Variants in RPS6KA5 observed in about 807,000 individuals in gnomAD.
The protein encoded by RPS6KA5 is ribosomal protein S6 kinase alpha-5.
RPS6KA5 carries 27 observed loss-of-function variants against 85.5 expected under a neutral mutation model. The ratio of observed to expected loss-of-function variants is 0.32; its 90% CI spans 0.23 to 0.44. RPS6KA5 has a LOEUF of 0.44. Among genes scored for constraint, RPS6KA5 ranks in the 20% least tolerant of loss-of-function variants. The pLI is 1.00. For missense variants in RPS6KA5, 811 were observed against 980.9 expected, an observed-to-expected ratio of 0.83 and a Z score of 2.31; for synonymous variants, 334 against 348.2, an observed-to-expected ratio of 0.96 and a Z score of 0.46.
chr14:90,871,417 A>G lies in RPS6KA5; in HGVS notation c.*657T>C, dbSNP rs943889152. ...AGGAAAGAGCAGTGCAAAATTAAAAACATACACATAGCTTAGCATGCATCT... is the reference window on the plus strand; with the variant it reads ...AGGAAAGAGCAGTGCAAAATTAAAAGCATACACATAGCTTAGCATGCATCT... On this transcript the variant is annotated 3_prime_UTR_variant, in exon 17 of 17. Transcript: ENST00000614987. The G allele has an allele frequency of 6.6e-6, 1 of 152,504 alleles. No homozygotes were observed. Among genetic ancestry groups the G allele is most frequent in the African/African-American group, 2.4e-5 (1 of 41,442 alleles). 9.4% of individuals were successfully genotyped at this position (152,504 alleles called of 1,614,324 possible).
At chr14:90,942,834 C>T (rs572651288) in intron 5 of RPS6KA5, among the ~76,000 whole-genome samples, 1 of 152,150 alleles carries the variant, frequency 6.6e-6, no homozygotes, top group East Asian at 1.9e-4. Flanking sequence ...AAGTTAAATG[C>T]ATAGTGTCTT....
At chr14:91,007,427 A>C (rs1034305284) in intron 1 of RPS6KA5, among the ~76,000 whole-genome samples, 1 of 152,230 alleles carries the variant, frequency 6.6e-6, no homozygotes, top group Non-Finnish European at 1.5e-5. Context: ...AAATCAATAA[A>C]TATTTTAAAT....
chr14:91,013,385 T>C (rs967155081), intron 1 of RPS6KA5, among the ~76,000 whole-genome samples: 5 of 151,496 alleles, frequency 3.3e-5, no homozygotes, highest in Non-Finnish European at 5.9e-5. Flanking sequence ...ATGAGGTAAA[T>C]AGTACCAGAA....
At position 90,968,164 on chromosome 14, in the gene RPS6KA5, C is replaced by G. The variant is rs150564574; in HGVS notation, c.394+10142G>C. On this transcript the variant is annotated intron_variant, in intron 3 of 16. Coordinates refer to ENST00000614987, the MANE Select transcript of RPS6KA5 (RefSeq NM_004755.4). The stretch of plus-strand genomic sequence containing the variant: ...CCTGGCCTTTTCTAGCTTCTAGATA[C>G]AGGCCACCCACATTCCTTGGCTTCT... Among the ~76,000 whole-genome samples, 199 of 152,278 alleles carry G rather than the reference C, an allele frequency of 1.3e-3. 1 individual carries two copies. Among genetic ancestry groups the G allele is most frequent in the Non-Finnish European group, 2.1e-3 (146 of 68,030 alleles).
intron 3 of RPS6KA5, among the ~76,000 whole-genome samples, chr14:90,952,073 G>A (rs1268654182): frequency 6.6e-6 from 1 of 152,126 alleles, no homozygotes; most frequent in Non-Finnish European, 1.5e-5. Flanking sequence ...CAGGCACCTT[G>A]GATTGCTTCT....
intron 8 of RPS6KA5, among the ~76,000 whole-genome samples, chr14:90,904,626 T>C (rs2140241831): frequency 6.6e-6 from 1 of 152,226 alleles, no homozygotes; most frequent in Middle Eastern, 3.4e-3. Flanking sequence ...AGGAAAGGGG[T>C]AATTTAAAGA....
intron 14 of RPS6KA5, among the ~76,000 whole-genome samples, chr14:90,886,713 T>C (rs1176658857): frequency 2.0e-5 from 3 of 152,136 alleles, no homozygotes; most frequent in Non-Finnish European, 2.9e-5. Context: ...TGTGAGAAAA[T>C]AAATTTCTGT....
At chr14:90,983,809 CTCTCTCTG>C (rs1266050041) in intron 2 of RPS6KA5, among the ~76,000 whole-genome samples, 11 of 127,074 alleles carry the variant, frequency 8.7e-5, no homozygotes, top group South Asian at 2.8e-4. Context: ...CTCTCTCTCT[CTCTCTCTG>C]TCTCTCTCTC....
intron 3 of RPS6KA5, among the ~76,000 whole-genome samples, chr14:90,954,100 G>A (rs1288499793): frequency 2.0e-5 from 3 of 152,162 alleles, no homozygotes; most frequent in African/African-American, 7.2e-5. Context: ...GTCACCCCCA[G>A]AGGCCCAGCT....
chr14:91,035,015 T>C (rs937556156), intron 1 of RPS6KA5, among the ~76,000 whole-genome samples: 1 of 151,402 alleles, frequency 6.6e-6, no homozygotes, highest in Non-Finnish European at 1.5e-5. Flanking sequence ...ATATAACAAA[T>C]GTAATTAGGG....
chr14:90,847,900 G>A lies in RPS6KA5; in HGVS notation c.*24174C>T, dbSNP rs568306483. 17 of 152,320 alleles carry A rather than the reference G, an allele frequency of 1.1e-4. No homozygotes were observed. Among genetic ancestry groups the A allele is most frequent in the African/African-American group, 3.8e-4 (16 of 41,572 alleles). 9.4% of individuals were successfully genotyped at this position (152,320 alleles called of 1,614,324 possible). On this transcript the variant is annotated 3_prime_UTR_variant, in exon 17 of 17. Coordinates refer to ENST00000614987, the MANE Select transcript of RPS6KA5 (RefSeq NM_004755.4). ...ATTGACAGGTTTATTCTTAAAGCTT[G>A]AACAAATACATCTTTACACACACAC...
intron 16 of RPS6KA5, 116 bp from the exon 17 acceptor site, chr14:90,872,438 T>G: frequency 7.6e-7 from 1 of 1,314,872 alleles, no homozygotes; most frequent in Non-Finnish European, 1.0e-6. Context: ...CCAAGTTGTT[T>G]TAAGGGAACA....
intron 2 of RPS6KA5, among the ~76,000 whole-genome samples, chr14:90,982,823 A>G (rs2039854498): frequency 6.6e-6 from 1 of 152,208 alleles, no homozygotes; most frequent in Admixed American, 6.5e-5. Flanking sequence ...TACTAAAAAT[A>G]CAAAAGTTGG....
intron 1 of RPS6KA5, among the ~76,000 whole-genome samples, chr14:91,049,493 T>C (rs560898111): frequency 1.1e-4 from 17 of 152,178 alleles, no homozygotes; most frequent in South Asian, 1.0e-3. Context: ...CGGGCGCCTG[T>C]AGTCCCAGCT....
chr14:90,900,383 G>T (rs2035098822), intron 10 of RPS6KA5, 142 bp from the exon 11 acceptor site: 1 of 651,532 alleles, frequency 1.5e-6, no homozygotes, highest in Non-Finnish European at 2.3e-6. Context: ...ATCTTTATAG[G>T]TAACTTCTAT....
rs1380383781 is a variant in RPS6KA5, at chr14:90,849,396, T to C, written c.*22678A>G. On this transcript the variant is annotated 3_prime_UTR_variant, in exon 17 of 17. Coordinates refer to ENST00000614987, the MANE Select transcript of RPS6KA5 (RefSeq NM_004755.4). Reference sequence around the variant, plus strand: ...TATCTTATGAATAGATCCACTTTGGTTGGTAATTCTTCTGCCTGACAGGCT... The same window carrying C: ...TATCTTATGAATAGATCCACTTTGGCTGGTAATTCTTCTGCCTGACAGGCT... The C allele has an allele frequency of 6.6e-6, 1 of 152,232 alleles. No homozygotes were observed. Among genetic ancestry groups the C allele is most frequent in the Non-Finnish European group, 1.5e-5 (1 of 68,060 alleles). The allele number at this position is 152,232 out of a possible 1,614,324, so 9.4% of individuals were successfully genotyped here.
chr14:90,987,832 C>T (rs1375346560), intron 2 of RPS6KA5, among the ~76,000 whole-genome samples: 1 of 152,140 alleles, frequency 6.6e-6, no homozygotes, highest in Non-Finnish European at 1.5e-5. Context: ...AAGCAAGGCC[C>T]TCTGAATTTC....
rs1459149944 is a variant in RPS6KA5 at position 90,855,581 on chromosome 14, GCACCCA to G, written c.*16487_*16492del. 1.4e-5 allele frequency: 2 copies of G among 145,872 alleles called. No homozygotes were observed. Among genetic ancestry groups the G allele is most frequent in the Non-Finnish European group, 3.0e-5 (2 of 66,498 alleles). The allele number at this position is 145,872 out of a possible 1,614,324, so 9.0% of individuals were successfully genotyped here. A position where few individuals can be genotyped will look rare whatever the true frequency, so the allele number is the denominator to read the frequency against. ...GCCTCCCAAGTAGCTGGGCCCACAGGCACCCACCACCACGCCCAGCTAATTTTTGTA... is the reference window on the plus strand; with the variant it reads ...GCCTCCCAAGTAGCTGGGCCCACAGGCCACCACGCCCAGCTAATTTTTGTA... On this transcript the variant is annotated 3_prime_UTR_variant, in exon 17 of 17. Transcript: ENST00000614987.
intron 1 of RPS6KA5, among the ~76,000 whole-genome samples, chr14:91,038,395 A>C (rs181561681): frequency 1.3e-5 from 2 of 152,350 alleles, no homozygotes; most frequent in East Asian, 3.9e-4. Context: ...TGGAGTTGTA[A>C]AGGAAAGAGT....
Sources: allele counts gnomAD v4.1 joint callset (sites outside exome capture counted in the v4.1 genomes callset), GRCh38; gene constraint gnomAD v4.1.1; transcripts MANE v1.5; gene names NCBI Gene and HGNC (gene_info 2026-07-23, HGNC 2026-07-21).